NRXN3: variants seen among roughly 807,000 people sequenced by gnomAD.
NRXN3 encodes the protein neurexin III.
In NRXN3, 32 loss-of-function variants were observed where a neutral mutation model predicts 137.6. That is an observed-to-expected ratio of 0.23 (90% CI 0.18 to 0.31). The LOEUF (loss-of-function observed/expected upper bound fraction) is 0.31. NRXN3 is among the 10% of genes least tolerant of loss of function. The pLI is 1.00. For synonymous variants in NRXN3, 798 were observed against 784.5 expected (o/e 1.02, Z -0.29); for missense variants, 1,574 against 2,062.5 (o/e 0.76, Z 4.59).
chr14:79,235,059 T>C (rs562561700), intron 15 of NRXN3, among the ~76,000 whole-genome samples: 14 of 152,252 alleles, frequency 9.2e-5, no homozygotes, highest in African/African-American at 3.4e-4. Context: ...TAAGTATGTT[T>C]TTAGAACTTG....
chr14:78,661,779 G>A (rs938065507), intron 6 of NRXN3, among the ~76,000 whole-genome samples: 1 of 152,136 alleles, frequency 6.6e-6, no homozygotes, highest in Non-Finnish European at 1.5e-5. Context: ...TTATTAAATG[G>A]GAACAATAAT....
In NRXN3 at chr14:79,286,533, A is replaced by AT. The variant is rs1435624525; in HGVS notation, c.3263-180687dup. ...GAAGCTTGGTGAGATGATTGAGAGAATAATATATATATATATATATATATA... is the reference window on the plus strand; with the variant it reads ...GAAGCTTGGTGAGATGATTGAGAGAATTAATATATATATATATATATATATA... On this transcript the variant is annotated intron_variant, in intron 15 of 20. Coordinates refer to ENST00000335750, the MANE Select transcript of NRXN3 (RefSeq NM_001330195.2). Among the ~76,000 whole-genome samples the AT allele has an allele frequency of 1.0e-4, 12 of 117,254 alleles. No homozygotes were observed. In the East Asian group the frequency reaches 1.9e-3, roughly 19 times the overall value. 76.9% of individuals were successfully genotyped at this position (117,254 alleles called of 152,430 possible). A position where few individuals can be genotyped will look rare whatever the true frequency, so the allele number is the denominator to read the frequency against.
intron 4 of NRXN3, among the ~76,000 whole-genome samples, chr14:78,438,865 T>A (rs530631489): frequency 5.2e-4 from 79 of 152,172 alleles, no homozygotes; most frequent in African/African-American, 1.8e-3. Context: ...GCAAGCCACA[T>A]GCCACCAAGA....
At chr14:79,699,694 C>T (rs1351283078) in intron 19 of NRXN3, among the ~76,000 whole-genome samples, 4 of 151,986 alleles carry the variant, frequency 2.6e-5, no homozygotes, top group Admixed American at 6.6e-5. Flanking sequence ...TAACTCTAAA[C>T]GTTATAGAAC....
intron 15 of NRXN3, among the ~76,000 whole-genome samples, chr14:79,108,449 A>C (rs1200106292): frequency 6.6e-6 from 1 of 152,182 alleles, no homozygotes; most frequent in African/African-American, 2.4e-5. Context: ...AATATAGTAA[A>C]GCACTCAATG....
chr14:78,664,141 C>A (rs973349316), intron 6 of NRXN3, among the ~76,000 whole-genome samples: 6 of 152,058 alleles, frequency 3.9e-5, no homozygotes, highest in South Asian at 2.1e-4. Flanking sequence ...CAATAAAATT[C>A]TCCTCCTTCC....
chr14:78,466,204 C>T (rs2095102258), intron 4 of NRXN3, among the ~76,000 whole-genome samples: 1 of 152,134 alleles, frequency 6.6e-6, no homozygotes, highest in Non-Finnish European at 1.5e-5. Context: ...ACAACAACAA[C>T]AAACCTATTG....
At position 78,957,273 on chromosome 14, in the gene NRXN3, G is replaced by A. The variant is rs2099398596; in HGVS notation, c.2307G>A (p.Gln769=). ...SKGPETLYAG[Q]KLNDNEWHTV... ...GACCAGAGACCTTGTATGCAGGGCA[G>A]AAGCTCAATGACAACGAGTGGCACA... Residue 769 remains glutamine, a synonymous_variant, in exon 11 of 21, where the codon CAG becomes CAA. Transcript: ENST00000335750. The A allele has an allele frequency of 6.2e-7, 1 of 1,614,148 alleles. No individual in the cohort carries two copies. The highest frequency in any genetic ancestry group is 8.5e-7 in the Non-Finnish European group (1 of 1,179,998).
intron 15 of NRXN3, among the ~76,000 whole-genome samples, chr14:79,176,510 T>A (rs1568506899): frequency 1.3e-5 from 2 of 152,192 alleles, no homozygotes; most frequent in African/African-American, 4.8e-5. Context: ...TATCCCTTGC[T>A]TATTATTTCA....
At chr14:78,173,878 G>T (rs1317527838) in intron 1 of NRXN3, among the ~76,000 whole-genome samples, 1 of 151,574 alleles carries the variant, frequency 6.6e-6, no homozygotes, top group Non-Finnish European at 1.5e-5. Context: ...GCTTCATTTT[G>T]CTTGGTTTCA....
At chr14:79,368,228 G>A (rs1382945130) in intron 15 of NRXN3, among the ~76,000 whole-genome samples, 3 of 152,168 alleles carry the variant, frequency 2.0e-5, no homozygotes, top group African/African-American at 4.8e-5. Context: ...CAAATTTCAT[G>A]TGGCTATGGA....
chr14:79,780,591 A>C (rs182292463), intron 19 of NRXN3, among the ~76,000 whole-genome samples: 1 of 152,166 alleles, frequency 6.6e-6, no homozygotes, highest in Non-Finnish European at 1.5e-5. Flanking sequence ...CCTGGGCGAC[A>C]GAGCGAGACT....
intron 19 of NRXN3, among the ~76,000 whole-genome samples, chr14:79,769,804 C>A (rs1369577398): frequency 1.5e-4 from 23 of 152,028 alleles, no homozygotes; most frequent in Non-Finnish European, 4.4e-5. Flanking sequence ...GGATTAAATT[C>A]TCCAATTAAA....
At chr14:78,235,336 T>C (rs537045106) in intron 1 of NRXN3, among the ~76,000 whole-genome samples, 3 of 152,148 alleles carry the variant, frequency 2.0e-5, no homozygotes, top group South Asian at 4.2e-4. Flanking sequence ...TTGATAAACA[T>C]GAAAGATGAG....
At chr14:78,709,130 G>A in intron 6 of NRXN3, 87 bp from the exon 7 acceptor site, 1 of 1,269,468 alleles carries the variant, frequency 7.9e-7, no homozygotes, top group Non-Finnish European at 1.1e-6. Context: ...CCTCTTTTTG[G>A]GTCATTTTTC....
At chr14:79,291,112 T>C (rs1225006116) in intron 15 of NRXN3, among the ~76,000 whole-genome samples, 2 of 152,160 alleles carry the variant, frequency 1.3e-5, no homozygotes, top group African/African-American at 4.8e-5. Flanking sequence ...TCTTTTTTCA[T>C]TGAATCAATA....
At chr14:78,482,033 T>C (rs1392345618) in intron 4 of NRXN3, among the ~76,000 whole-genome samples, 1 of 152,158 alleles carries the variant, frequency 6.6e-6, no homozygotes, top group African/African-American at 2.4e-5. Flanking sequence ...TTAATCCCTG[T>C]GAAACACAGA....
intron 20 of NRXN3, among the ~76,000 whole-genome samples, chr14:79,816,306 T>G (rs2099251177): frequency 6.6e-6 from 1 of 152,210 alleles, no homozygotes; most frequent in Admixed American, 6.5e-5. Flanking sequence ...AGTTATCGAA[T>G]TTTGACACGC....
rs545669188 is a variant in NRXN3 at position 79,176,813 on chromosome 14, A to G, written c.3262+188672A>G. On this transcript the variant is annotated intron_variant, in intron 15 of 20. Transcript: ENST00000335750. ...ATTTATCAATTGTTGCACTTTTTAT[A>G]TTGATACTTATCTGACTCTTCACCC... Among the ~76,000 whole-genome samples the G allele has an allele frequency of 2.6e-5, 4 of 152,306 alleles. No homozygotes were observed. In the South Asian group the frequency reaches 8.3e-4, roughly 32 times the overall value.
Sources: allele counts gnomAD v4.1 joint callset (sites outside exome capture counted in the v4.1 genomes callset), GRCh38; gene constraint gnomAD v4.1.1; transcripts MANE v1.5; gene names NCBI Gene and HGNC (gene_info 2026-07-23, HGNC 2026-07-21).